Variants in ZNF821 observed in about 807,000 individuals in gnomAD.
The protein encoded by ZNF821 is zinc finger protein 821.
Under a neutral mutation model 44.3 loss-of-function variants are expected in ZNF821, and 16 were observed. That is an observed-to-expected ratio of 0.36 (90% CI 0.24 to 0.55). The LOEUF is 0.55. Among genes scored for constraint, ZNF821 ranks in the 20% least tolerant of loss-of-function variants. The pLI, the probability that ZNF821 is intolerant of heterozygous loss-of-function variation, is 0.86. For synonymous variants in ZNF821, 204 were observed against 197.6 expected (o/e 1.03, Z -0.27); for missense variants, 436 against 547.6 (o/e 0.80, Z 2.03).
At chr16:71,867,766 T>C (rs1469517315) in intron 4 of ZNF821, 146 bp downstream of exon 4, 6 of 1,073,562 alleles carry the variant, frequency 5.6e-6, no homozygotes, top group Non-Finnish European at 7.6e-6. Flanking sequence ...CCACACACCT[T>C]AGACCACCTT....
intron 3 of ZNF821, among the ~76,000 whole-genome samples, chr16:71,872,817 G>A (rs2035365482): frequency 6.6e-6 from 1 of 152,148 alleles, no homozygotes; most frequent in Non-Finnish European, 1.5e-5. Context: ...TAAGAGAAAG[G>A]ACTTCAAAGG....
chr16:71,894,535 C>G, intron 1 of ZNF821: 1 of 270,624 alleles, frequency 3.7e-6, no homozygotes, highest in Non-Finnish European at 7.1e-6. Flanking sequence ...CGTGAGCCAC[C>G]GCACCCGGCC....
chr16:71,892,371 A>G (rs2036891644), intron 1 of ZNF821, among the ~76,000 whole-genome samples: 1 of 148,108 alleles, frequency 6.8e-6, no homozygotes, highest in African/African-American at 2.5e-5. Flanking sequence ...GGTTCACACC[A>G]TTCTCCTGCC....
At chr16:71,888,436 T>C (rs2036869941), upstream of ZNF821, among the ~76,000 whole-genome samples, 1 of 152,140 alleles carries the variant, frequency 6.6e-6, no homozygotes, top group South Asian at 2.1e-4. Context: ...TTTGAGTTAG[T>C]TTTTGCATAT....
At chr16:71,893,351 T>A (rs569041929) in intron 1 of ZNF821, among the ~76,000 whole-genome samples, 1 of 148,922 alleles carries the variant, frequency 6.7e-6, no homozygotes, top group South Asian at 2.1e-4. Context: ...TTAGTAGAGA[T>A]GGGGTTTCAC....
At chr16:71,878,574 A>G (rs2036097616) in intron 3 of ZNF821, among the ~76,000 whole-genome samples, 1 of 152,208 alleles carries the variant, frequency 6.6e-6, no homozygotes, top group Admixed American at 6.5e-5. Flanking sequence ...TAAAGAGGAT[A>G]CATAAGGAAA....
At chr16:71,866,894 T>C (rs1310640801) in intron 4 of ZNF821, among the ~76,000 whole-genome samples, 1 of 152,190 alleles carries the variant, frequency 6.6e-6, no homozygotes, top group African/African-American at 2.4e-5. Flanking sequence ...CAGCCTCAAA[T>C]GTGGTGAAAA....
chr16:71,893,253 T>C (rs1231067088), intron 1 of ZNF821, among the ~76,000 whole-genome samples: 1 of 148,468 alleles, frequency 6.7e-6, no homozygotes, highest in Non-Finnish European at 1.5e-5. Context: ...GGTCTTCATC[T>C]CCTGACCTCG....
chr16:71,885,752 A>G (rs2036828934), upstream of ZNF821, among the ~76,000 whole-genome samples: 1 of 152,146 alleles, frequency 6.6e-6, no homozygotes, highest in South Asian at 2.1e-4. Context: ...TCACTCATTT[A>G]TTTATTGTGA....
At chr16:71,864,024 G>C (rs889898421) in intron 6 of ZNF821, 114 bp downstream of exon 6, 1 of 915,210 alleles carries the variant, frequency 1.1e-6, no homozygotes, top group East Asian at 2.4e-5. Context: ...TAATAGAAGT[G>C]ACAACCCAAG....
chr16:71,865,578 G>A (rs2034444241), intron 4 of ZNF821, among the ~76,000 whole-genome samples: 1 of 152,198 alleles, frequency 6.6e-6, no homozygotes. Context: ...AATGGAAGCA[G>A]TAGTAAATGA....
At chr16:71,878,349 C>G (rs1324707819) in intron 3 of ZNF821, among the ~76,000 whole-genome samples, 1 of 151,848 alleles carries the variant, frequency 6.6e-6, no homozygotes. Context: ...CTCCTTACCC[C>G]AGGTGATATG....
intron 6 of ZNF821, among the ~76,000 whole-genome samples, chr16:71,862,771 G>A (rs1254537081): frequency 6.6e-6 from 1 of 152,194 alleles, no homozygotes; most frequent in African/African-American, 2.4e-5. Context: ...CATGTGTGCT[G>A]ATACCTTGTC....
chr16:71,878,396 T>A (rs112928365), intron 3 of ZNF821, among the ~76,000 whole-genome samples: 1 of 151,626 alleles, frequency 6.6e-6, no homozygotes, highest in Admixed American at 6.6e-5. Context: ...GGATTACAGG[T>A]GCAAGCCACC....
rs374562510 is a variant in ZNF821 at position 71,861,875 on chromosome 16, G to A, written c.485C>T (p.Pro162Leu). Residue 162 changes from proline to leucine, a missense_variant, in exon 7 of 8, where the codon CCG becomes CTG. Transcript: ENST00000425432. The part of the protein sequence containing the change: ...CPVCGRALSS[P>L]GSLGRHLLIH... ...TAAGAGGTGGCGACCCAATGACCCC[G>A]GGGAGCTAAGGGCCCGGCCACAGAC... 2.5e-6 allele frequency: 4 copies of A among 1,614,156 alleles called. No individual in the cohort carries two copies. Among genetic ancestry groups the A allele is most frequent in the South Asian group, 1.1e-5 (1 of 91,074 alleles).
chr16:71,881,359 C>T (rs538197748), intron 2 of ZNF821: 1 of 152,346 alleles, frequency 6.6e-6, no homozygotes, highest in East Asian at 1.9e-4. Context: ...CAGGCCTCCA[C>T]AGGAAGTGGC....
upstream of ZNF821, among the ~76,000 whole-genome samples, chr16:71,887,361 G>A (rs2036865245): frequency 2.0e-5 from 3 of 147,680 alleles, no homozygotes; most frequent in South Asian, 6.4e-4. Flanking sequence ...CTGAGTTCAC[G>A]CCATTCTCCT....
At chr16:71,891,735 C>T (rs923695319) in intron 1 of ZNF821, among the ~76,000 whole-genome samples, 1 of 152,228 alleles carries the variant, frequency 6.6e-6, no homozygotes, top group East Asian at 1.9e-4. Flanking sequence ...ATCGGCCAAG[C>T]GTGGTGTCCC....
chr16:71,890,148 TGGGTTCTTTAACAAGTG>T (rs780212373), intron 1 of ZNF821, among the ~76,000 whole-genome samples: 11 of 152,206 alleles, frequency 7.2e-5, no homozygotes, highest in Non-Finnish European at 1.6e-4. Context: ...ACTTGTTTCA[TGGGTTCTTTAACAAGTG>T]ATCTTGATTT....
Sources: allele counts gnomAD v4.1 joint callset (sites outside exome capture counted in the v4.1 genomes callset), GRCh38; gene constraint gnomAD v4.1.1; transcripts MANE v1.5; gene names NCBI Gene and HGNC (gene_info 2026-07-23, HGNC 2026-07-21).